DLG2: variants seen among roughly 807,000 people sequenced by gnomAD.
DLG2 encodes discs large MAGUK scaffold protein 2.
Under a neutral mutation model 132.5 loss-of-function variants are expected in DLG2, and 45 were observed. The ratio of observed to expected loss-of-function variants is 0.34; its 90% CI spans 0.27 to 0.44. The LOEUF is 0.44. DLG2 is among the 20% of genes least tolerant of loss of function. DLG2 has a pLI of 1.00. For missense variants in DLG2, 1,045 were observed against 1,196.9 expected (o/e 0.87, Z 1.87); for synonymous variants, 424 against 419.6 (o/e 1.01, Z -0.13).
At chr11:84,734,076 C>T (rs549000452) in intron 6 of DLG2, among the ~76,000 whole-genome samples, 1 of 152,250 alleles carries the variant, frequency 6.6e-6, no homozygotes, top group African/African-American at 2.4e-5. Context: ...TAGCATGATG[C>T]CTCCAGCTTT....
At chr11:84,959,584 C>T (rs930333707) in intron 6 of DLG2, among the ~76,000 whole-genome samples, 2 of 152,152 alleles carry the variant, frequency 1.3e-5, no homozygotes, top group African/African-American at 4.8e-5. Context: ...AGCACAGTGC[C>T]TACTACCATG....
At chr11:85,499,548 C>G (rs1281768419) in intron 3 of DLG2, among the ~76,000 whole-genome samples, 1 of 152,220 alleles carries the variant, frequency 6.6e-6, no homozygotes, top group Non-Finnish European at 1.5e-5. Flanking sequence ...CCTTCTGAAA[C>G]TATGCCAATC....
At chr11:84,308,183 T>C (rs944717346) in intron 7 of DLG2, among the ~76,000 whole-genome samples, 1 of 152,122 alleles carries the variant, frequency 6.6e-6, no homozygotes, top group African/African-American at 2.4e-5. Context: ...CCGAGTGGTC[T>C]GTTTTGACAG....
At chr11:84,772,806 G>C (rs1008512001) in intron 6 of DLG2, among the ~76,000 whole-genome samples, 3 of 151,974 alleles carry the variant, frequency 2.0e-5, no homozygotes, top group African/African-American at 7.2e-5. Context: ...AGCGGTAAGA[G>C]GAAAGTTTAC....
intron 17 of DLG2, chr11:83,790,768 G>T: frequency 1.3e-6 from 1 of 760,174 alleles, no homozygotes; most frequent in Non-Finnish European, 2.4e-6. Flanking sequence ...ACTAGGTTCT[G>T]GTCTGCCTGA....
At chr11:84,025,802 T>C (rs1337263713) in intron 11 of DLG2, among the ~76,000 whole-genome samples, 1 of 152,034 alleles carries the variant, frequency 6.6e-6, no homozygotes, top group Non-Finnish European at 1.5e-5. Flanking sequence ...TTGTCTTCTG[T>C]CTCCTGCTTT....
intron 3 of DLG2, among the ~76,000 whole-genome samples, chr11:85,498,378 A>C (rs942324045): frequency 8.5e-5 from 13 of 152,212 alleles, no homozygotes; most frequent in Non-Finnish European, 1.8e-4. Context: ...AAGAAGAGCT[A>C]ACTATCCTAA....
chr11:85,493,926 G>A (rs1000086419), intron 3 of DLG2, among the ~76,000 whole-genome samples: 11 of 152,136 alleles, frequency 7.2e-5, no homozygotes, highest in African/African-American at 2.4e-4. Context: ...CAAGATGAAG[G>A]CACCAGTAGG....
chr11:84,823,051 G>A (rs887611007), intron 6 of DLG2, among the ~76,000 whole-genome samples: 5 of 151,848 alleles, frequency 3.3e-5, no homozygotes, highest in Admixed American at 2.6e-4. Flanking sequence ...ATTTAAAAAT[G>A]CATGTATGTA....
At chr11:83,845,554 A>G (rs1420813309) in intron 16 of DLG2, among the ~76,000 whole-genome samples, 1 of 152,246 alleles carries the variant, frequency 6.6e-6, no homozygotes, top group Non-Finnish European at 1.5e-5. Context: ...ACATGTTATT[A>G]AAATAATAGA....
At chr11:83,793,065 G>T (rs891266319) in intron 17 of DLG2, among the ~76,000 whole-genome samples, 1 of 151,882 alleles carries the variant, frequency 6.6e-6, no homozygotes, top group African/African-American at 2.4e-5. Context: ...TTGGATATTT[G>T]AATTTATTTT....
chr11:84,489,218 T>C (rs2099158400), intron 7 of DLG2, among the ~76,000 whole-genome samples: 1 of 152,146 alleles, frequency 6.6e-6, no homozygotes, highest in African/African-American at 2.4e-5. Context: ...TGCAGTATTT[T>C]TCCTTTTATT....
intron 5 of DLG2, among the ~76,000 whole-genome samples, chr11:85,115,094 G>T (rs186620352): frequency 1.3e-5 from 2 of 151,766 alleles, no homozygotes; most frequent in Admixed American, 1.3e-4. Flanking sequence ...TTTTTTCGGG[G>T]TGGGGGTGCG....
chr11:85,013,591 TG>T (rs1259183664), intron 6 of DLG2, among the ~76,000 whole-genome samples: 1 of 152,126 alleles, frequency 6.6e-6, no homozygotes, highest in Non-Finnish European at 1.5e-5. Context: ...AAAGTATGAG[TG>T]CAATTGTTCT....
chr11:84,571,318 C>T (rs572244261), intron 6 of DLG2, among the ~76,000 whole-genome samples: 2 of 151,454 alleles, frequency 1.3e-5, no homozygotes, highest in East Asian at 3.9e-4. Context: ...CCATCCCTAT[C>T]TCCTTTCACT....
At chr11:85,463,266 A>C (rs1192108529) in intron 3 of DLG2, among the ~76,000 whole-genome samples, 1 of 152,222 alleles carries the variant, frequency 6.6e-6, no homozygotes, top group Non-Finnish European at 1.5e-5. Flanking sequence ...TTACTCAATA[A>C]TAACTGCAAA....
rs2099212846 is a variant in DLG2 at position 84,502,222 on chromosome 11, CCTTCCTTCCTTCCTTCCTTCCT to C, written c.519+32326_519+32347del. ...TCTCTCCTTCCTTCCTTCCTTCCTTCCTTCCTTCCTTCCTTCCTTCCTTCCTTCCTTCCTTCCTTCCTTCCTT... is the reference window on the plus strand; with the variant it reads ...TCTCTCCTTCCTTCCTTCCTTCCTTCTCCTTCCTTCCTTCCTTCCTTCCTT... On this transcript the variant is annotated intron_variant, in intron 7 of 27. Coordinates refer to ENST00000376104, the MANE Select transcript of DLG2 (RefSeq NM_001142699.3). Among the ~76,000 whole-genome samples the C allele has an allele frequency of 9.4e-4, 12 of 12,814 alleles. 1 individual carries two copies. Among genetic ancestry groups the C allele is most frequent in the Non-Finnish European group, 1.1e-3 (8 of 7,032 alleles). The allele number at this position is 12,814 out of a possible 152,430, so 8.4% of individuals were successfully genotyped here.
At chr11:83,862,893 C>T (rs1252468324) in intron 16 of DLG2, among the ~76,000 whole-genome samples, 1 of 152,102 alleles carries the variant, frequency 6.6e-6, no homozygotes, top group Admixed American at 6.6e-5. Flanking sequence ...TGAATATGGT[C>T]TGTGCTTGGG....
intron 7 of DLG2, among the ~76,000 whole-genome samples, chr11:84,507,617 T>C (rs185274682): frequency 2.0e-5 from 3 of 152,352 alleles, no homozygotes. Flanking sequence ...TTATCATATA[T>C]GAACCTTATT....
Sources: allele counts gnomAD v4.1 joint callset (sites outside exome capture counted in the v4.1 genomes callset), GRCh38; gene constraint gnomAD v4.1.1; transcripts MANE v1.5; gene names NCBI Gene and HGNC (gene_info 2026-07-23, HGNC 2026-07-21).